Variants in CDRT4 observed in about 807,000 individuals in gnomAD.
The protein encoded by CDRT4 is CMT1A duplicated region transcript 4, also known as CMT1A duplicated region transcript 4 protein.
For missense variants in CDRT4, 167 were observed against 193.1 expected (o/e 0.87, Z 0.80); for synonymous variants, 64 against 69.6 (o/e 0.92, Z 0.40).
At chr17:15,454,968 C>T (rs1979421587) in intron 1 of CDRT4, among the ~76,000 whole-genome samples, 1 of 152,114 alleles carries the variant, frequency 6.6e-6, no homozygotes, top group Non-Finnish European at 1.5e-5. Flanking sequence ...ACCAAGAACC[C>T]TGAACTATTG....
chr17:15,444,183 G>A lies in CDRT4; in HGVS notation c.-47-3898C>T, dbSNP rs1358627852. On this transcript the variant is annotated intron_variant, in intron 2 of 3. Coordinates refer to ENST00000619038, the MANE Select transcript of CDRT4 (RefSeq NM_001204477.2). ...TGAAAAAGGAACTGTTCAGCAGGCC[G>A]ATGAATAAGATCTAAGAGATGTCCA... 33 of 1,072,430 alleles carry A rather than the reference G, an allele frequency of 3.1e-5. 2 individuals carry two copies. Among genetic ancestry groups the A allele is most frequent in the Middle Eastern group, 3.0e-4 (1 of 3,340 alleles). 66.4% of individuals were successfully genotyped at this position (1,072,430 alleles called of 1,614,324 possible).
At chr17:15,446,799 G>C (rs373843172) in intron 2 of CDRT4, among the ~76,000 whole-genome samples, 32 of 152,244 alleles carry the variant, frequency 2.1e-4, no homozygotes, top group Middle Eastern at 6.8e-3. Flanking sequence ...ATGGGAAGGA[G>C]GGGATATGTT....
intron 2 of CDRT4, among the ~76,000 whole-genome samples, chr17:15,445,979 T>A (rs1249614536): frequency 6.6e-6 from 1 of 152,216 alleles, no homozygotes; most frequent in Non-Finnish European, 1.5e-5. Context: ...TCTGCTTTTT[T>A]CTTTTTTTCC....
intron 1 of CDRT4, among the ~76,000 whole-genome samples, chr17:15,461,098 A>ACC (rs1979727708): frequency 6.6e-6 from 1 of 151,942 alleles, no homozygotes; most frequent in East Asian, 1.9e-4. Context: ...CTATCACATC[A>ACC]CCTTGTTCTG....
chr17:15,437,245 C>A lies in CDRT4; in HGVS notation c.*528G>T. 6.1e-6 allele frequency: 1 copy of A among 162,976 alleles called. No homozygotes were observed. Among genetic ancestry groups the A allele is most frequent in the Admixed American group, 5.7e-5 (1 of 17,424 alleles). The allele number at this position is 162,976 out of a possible 1,614,324, so 10.1% of individuals were successfully genotyped here. A position where few individuals can be genotyped will look rare whatever the true frequency, so the allele number is the denominator to read the frequency against. On this transcript the variant is annotated 3_prime_UTR_variant, in exon 4 of 4. Transcript: ENST00000619038. ...ATACCAGCTGCATTGAGTGGCATCC[C>A]CACTCCCCCACCTCAGAAGTCTGAG...
At chr17:15,451,228 C>G (rs1979247856) in intron 2 of CDRT4, among the ~76,000 whole-genome samples, 1 of 152,158 alleles carries the variant, frequency 6.6e-6, no homozygotes, top group Non-Finnish European at 1.5e-5. Flanking sequence ...GCTGTCTTGC[C>G]TGCTGCCATG....
intron 1 of CDRT4, among the ~76,000 whole-genome samples, chr17:15,459,253 T>C (rs946774751): frequency 2.6e-5 from 4 of 151,946 alleles, no homozygotes; most frequent in Non-Finnish European, 5.9e-5. Context: ...ACAAGACAAA[T>C]GGAGCTTCTT....
intron 2 of CDRT4, chr17:15,443,656 C>G (rs1037823368): frequency 1.1e-5 from 4 of 378,684 alleles, no homozygotes; most frequent in Admixed American, 3.7e-5. Flanking sequence ...CCGTTCTCAG[C>G]AATCAGACTG....
At chr17:15,449,924 G>A (rs1979189891) in intron 2 of CDRT4, among the ~76,000 whole-genome samples, 1 of 152,144 alleles carries the variant, frequency 6.6e-6, no homozygotes, top group African/African-American at 2.4e-5. Context: ...GTATTCCATG[G>A]CATATATATG....
chr17:15,439,813 A>C (rs1567608183), intron 3 of CDRT4, among the ~76,000 whole-genome samples: 1 of 152,178 alleles, frequency 6.6e-6, no homozygotes, highest in Non-Finnish European at 1.5e-5. Context: ...GCTGGAAACC[A>C]TCATCCTCAG....
intron 1 of CDRT4, among the ~76,000 whole-genome samples, chr17:15,455,808 T>C (rs1979458997): frequency 6.6e-6 from 1 of 152,192 alleles, no homozygotes; most frequent in South Asian, 2.1e-4. Flanking sequence ...TGGATTCTCC[T>C]CCTGTTGAGC....
rs762012394 is a variant in CDRT4 at position 15,438,241 on chromosome 17, C to T, written c.32-41G>A. The T allele has an allele frequency of 3.8e-6, 6 of 1,581,978 alleles. No homozygotes were observed. In the Admixed American group the frequency reaches 8.8e-5, roughly 23 times the overall value. On this transcript the variant is annotated intron_variant, in intron 3 of 3. Coordinates refer to ENST00000619038, the MANE Select transcript of CDRT4 (RefSeq NM_001204477.2). The stretch of plus-strand genomic sequence containing the variant: ...AATGCAGGCCATTTAGAGGCAGTCA[C>T]ATGCAATAGCTTGATTCTTCAAAAA...
intron 1 of CDRT4, among the ~76,000 whole-genome samples, chr17:15,465,827 C>T (rs1597473742): frequency 1.3e-5 from 2 of 150,638 alleles, no homozygotes; most frequent in South Asian, 2.1e-4. Flanking sequence ...GGCCATCCAC[C>T]GTGGGGAGGA....
chr17:15,462,833 A>G (rs1388692353), intron 1 of CDRT4, among the ~76,000 whole-genome samples: 1 of 152,214 alleles, frequency 6.6e-6, no homozygotes, highest in Non-Finnish European at 1.5e-5. Context: ...TCGATGGGAG[A>G]AGGAAGGAGG....
intron 1 of CDRT4, among the ~76,000 whole-genome samples, chr17:15,457,788 GC>G (rs1979554355): frequency 6.6e-6 from 1 of 152,056 alleles, no homozygotes; most frequent in Admixed American, 6.5e-5. Flanking sequence ...GGCTCCACAT[GC>G]TCCACACGCT....
intron 1 of CDRT4, among the ~76,000 whole-genome samples, chr17:15,461,806 TA>T (rs1979761849): frequency 6.6e-6 from 1 of 152,184 alleles, no homozygotes; most frequent in African/African-American, 2.4e-5. Context: ...TATCAGTAGG[TA>T]CTTCTTGGAG....
chr17:15,447,512 G>T (rs989806978), intron 2 of CDRT4, among the ~76,000 whole-genome samples: 1 of 152,154 alleles, frequency 6.6e-6, no homozygotes, highest in Non-Finnish European at 1.5e-5. Flanking sequence ...CAAACAGTGT[G>T]TTTTCTGCAT....
chr17:15,454,999 T>C (rs1979424011), intron 1 of CDRT4, among the ~76,000 whole-genome samples: 1 of 152,118 alleles, frequency 6.6e-6, no homozygotes, highest in African/African-American at 2.4e-5. Flanking sequence ...TATTCTATGA[T>C]TTATGACTGG....
intron 2 of CDRT4, among the ~76,000 whole-genome samples, chr17:15,449,245 G>C (rs1979160918): frequency 6.6e-6 from 1 of 152,216 alleles, no homozygotes; most frequent in African/African-American, 2.4e-5. Context: ...CACACGCTAA[G>C]TGTATTACCT....
Sources: allele counts gnomAD v4.1 joint callset (sites outside exome capture counted in the v4.1 genomes callset), GRCh38; gene constraint gnomAD v4.1.1; transcripts MANE v1.5; gene names NCBI Gene and HGNC (gene_info 2026-07-23, HGNC 2026-07-21).